Variants in EPB41L3 observed in about 807,000 individuals in gnomAD.
EPB41L3 encodes erythrocyte membrane protein band 4.1 like 3, also known as band 4.1-like protein 3.
In EPB41L3, 57 loss-of-function variants were observed where a neutral mutation model predicts 127.1. The ratio of observed to expected loss-of-function variants is 0.45; its 90% CI spans 0.36 to 0.56. The LOEUF (loss-of-function observed/expected upper bound fraction) is 0.56. Ranked by LOEUF, EPB41L3 falls within the 20% of genes least tolerant of loss-of-function variation. The probability of loss-of-function intolerance (pLI) is 0.00; values close to 1 mark genes in which losing one functional copy is unlikely to be tolerated. For synonymous variants in EPB41L3, 572 were observed against 549.5 expected (o/e 1.04, Z -0.57); for missense variants, 1,273 against 1,372.2 (o/e 0.93, Z 1.14).
intron 6 of EPB41L3, 109 bp from the exon 7 acceptor site, chr18:5,434,230 C>A (rs1376431489): frequency 1.3e-6 from 1 of 764,284 alleles, no homozygotes; most frequent in African/African-American, 1.8e-5. Flanking sequence ...AGAACAGCCT[C>A]TCTAGGATAA....
At chr18:5,453,142 C>T (rs936675110) in intron 3 of EPB41L3, among the ~76,000 whole-genome samples, 1 of 152,202 alleles carries the variant, frequency 6.6e-6, no homozygotes, top group Non-Finnish European at 1.5e-5. Context: ...CGCCAAGTCT[C>T]AGCACTGGAC....
upstream of EPB41L3, among the ~76,000 whole-genome samples, chr18:5,546,835 T>A (rs551630527): frequency 6.6e-6 from 1 of 152,332 alleles, no homozygotes; most frequent in East Asian, 1.9e-4. Flanking sequence ...TGCAGGATCC[T>A]CTCTTAGTCC....
intron 1 of EPB41L3, among the ~76,000 whole-genome samples, chr18:5,495,618 A>G (rs75903472): frequency 6.6e-6 from 1 of 151,814 alleles, no homozygotes; most frequent in African/African-American, 2.4e-5. Flanking sequence ...AAAAAAAAAA[A>G]TCACTAACTT....
intron 16 of EPB41L3, among the ~76,000 whole-genome samples, chr18:5,401,875 G>T (rs2074552790): frequency 6.6e-6 from 1 of 152,074 alleles, no homozygotes; most frequent in African/African-American, 2.4e-5. Context: ...ACAGAGCAGG[G>T]ACAGAAAGGA....
chr18:5,528,037 A>G (rs2093290384), intron 1 of EPB41L3, among the ~76,000 whole-genome samples: 1 of 152,226 alleles, frequency 6.6e-6, no homozygotes, highest in Non-Finnish European at 1.5e-5. Flanking sequence ...TAGTAATGCT[A>G]GAAATAGTGA....
At chr18:5,395,763 A>C (rs1567959691) in intron 19 of EPB41L3, 56 bp from the exon 20 acceptor site, 1 of 1,369,178 alleles carries the variant, frequency 7.3e-7, no homozygotes, top group East Asian at 2.3e-5. Context: ...GCTCTTCAGA[A>C]GTTGGCTACG....
chr18:5,447,802 G>A (rs755680231), intron 3 of EPB41L3, among the ~76,000 whole-genome samples: 3 of 152,068 alleles, frequency 2.0e-5, no homozygotes, highest in African/African-American at 4.8e-5. Context: ...CTGGTTCCTC[G>A]CAATTTGATT....
rs199826388 is a variant in EPB41L3 at position 5,485,945 on chromosome 18, T to TCC, written c.183+3055_183+3056insGG. 8.6e-3 allele frequency among the ~76,000 whole-genome samples: 1,311 copies of TCC among 152,158 alleles called. 15 individuals are homozygous for TCC. Among genetic ancestry groups the TCC allele is most frequent in the African/African-American group, 0.028 (1,174 of 41,538 alleles). On this transcript the variant is annotated intron_variant, in intron 2 of 22. Coordinates refer to ENST00000341928, the MANE Select transcript of EPB41L3 (RefSeq NM_012307.5). ...ATTTACAAATTCAATGTAAATTGAATGTAACAAAATACCTATGACACTCTT... is the reference window on the plus strand; with the variant it reads ...ATTTACAAATTCAATGTAAATTGAATCCGTAACAAAATACCTATGACACTCTT...
At chr18:5,483,039 T>C (rs1219756937) in intron 2 of EPB41L3, among the ~76,000 whole-genome samples, 1 of 152,108 alleles carries the variant, frequency 6.6e-6, no homozygotes, top group Non-Finnish European at 1.5e-5. Flanking sequence ...ATAACTCTAG[T>C]ATGAAGCCCA....
At chr18:5,435,207 T>A (rs2079584355) in intron 6 of EPB41L3, among the ~76,000 whole-genome samples, 1 of 152,148 alleles carries the variant, frequency 6.6e-6, no homozygotes, top group South Asian at 2.1e-4. Context: ...AGTAAAAAAA[T>A]TACAGTAAGC....
In EPB41L3 at chr18:5,428,355, T is replaced by A. The variant is rs771385889; in HGVS notation, c.1023A>T (p.Ser341=). The change falls in exon 9 of 23, where the codon TCA becomes TCT. Residue 341 remains serine (S), a synonymous_variant. Coordinates refer to ENST00000341928, the MANE Select transcript of EPB41L3 (RefSeq NM_012307.5). ...TAATGTAAAAGTTGTTCCGTTTGTA[T>A]GAAATCTTTAGAACCTTGGGCCAGG... The part of the protein sequence containing the change: ...RFAWPKVLKI[S]YKRNNFYIKI... The A allele has an allele frequency of 4.3e-6, 7 of 1,614,110 alleles. No individual in the cohort carries two copies. Among genetic ancestry groups the A allele is most frequent in the Non-Finnish European group, 5.9e-6 (7 of 1,180,050 alleles).
At chr18:5,563,041 G>A (rs1178243852) in intron 3 of EPB41L3, among the ~76,000 whole-genome samples, 1 of 152,238 alleles carries the variant, frequency 6.6e-6, no homozygotes, top group Non-Finnish European at 1.5e-5. Context: ...AGCTCAGGTA[G>A]TATGGGAGCA....
chr18:5,572,177 G>C (rs1371247330), intron 3 of EPB41L3, among the ~76,000 whole-genome samples: 1 of 152,174 alleles, frequency 6.6e-6, no homozygotes, highest in Non-Finnish European at 1.5e-5. Flanking sequence ...GAAGAAACTT[G>C]TCTTAGGTTT....
In EPB41L3 at chr18:5,410,578, G is replaced by A. The variant is rs757284002; in HGVS notation, c.2109C>T (p.Thr703=). 1.9e-6 allele frequency: 3 copies of A among 1,613,392 alleles called. No individual in the cohort carries two copies. The highest frequency in any genetic ancestry group is 3.3e-5 in the Admixed American group (2 of 59,956). Residue 703 remains threonine, a synonymous_variant, in exon 14 of 23, where the codon ACC becomes ACT. Coordinates refer to ENST00000341928, the MANE Select transcript of EPB41L3 (RefSeq NM_012307.5). ...ERTDTAADGE[T]TATESDQEED... ...CCAAAATACCAACCTCAGTGGCAGT[G>A]GTCTCCCCGTCGGCTGCGGTGTCCG...
At chr18:5,441,590 C>G (rs556429037) in intron 5 of EPB41L3, among the ~76,000 whole-genome samples, 1 of 152,018 alleles carries the variant, frequency 6.6e-6, no homozygotes, top group African/African-American at 2.4e-5. Flanking sequence ...CTCAGCCTCC[C>G]GAGTAGCTGG....
At chr18:5,512,755 C>T (rs2092588069) in intron 1 of EPB41L3, among the ~76,000 whole-genome samples, 1 of 152,024 alleles carries the variant, frequency 6.6e-6, no homozygotes, top group African/African-American at 2.4e-5. Flanking sequence ...TTTAGCCCTC[C>T]CCAGTAGCTC....
At chr18:5,489,697 T>G (rs1329793675) in intron 1 of EPB41L3, among the ~76,000 whole-genome samples, 1 of 152,152 alleles carries the variant, frequency 6.6e-6, no homozygotes, top group Non-Finnish European at 1.5e-5. Context: ...CCCATGTGAT[T>G]TCTCTTAATC....
chr18:5,579,974 C>T (rs2094375993), intron 3 of EPB41L3, among the ~76,000 whole-genome samples: 1 of 152,104 alleles, frequency 6.6e-6, no homozygotes, highest in Non-Finnish European at 1.5e-5. Context: ...CTCAGTGCAA[C>T]CTATAAGGCA....
chr18:5,454,481 C>A (rs1488248459), intron 3 of EPB41L3, among the ~76,000 whole-genome samples: 1 of 152,144 alleles, frequency 6.6e-6, no homozygotes, highest in Non-Finnish European at 1.5e-5. Flanking sequence ...AGAATCCATT[C>A]TCAAGAGGCA....
Sources: allele counts gnomAD v4.1 joint callset (sites outside exome capture counted in the v4.1 genomes callset), GRCh38; gene constraint gnomAD v4.1.1; transcripts MANE v1.5; gene names NCBI Gene and HGNC (gene_info 2026-07-23, HGNC 2026-07-21).